Variants in NUDT3 observed in about 807,000 individuals in gnomAD.
NUDT3 encodes nudix hydrolase 3, also known as diphosphoinositol polyphosphate phosphohydrolase 1.
A neutral mutation model predicts 23.6 loss-of-function variants in NUDT3; 9 were observed. The observed-to-expected ratio is 0.38, with a 90% CI of 0.23 to 0.66. NUDT3 has a LOEUF of 0.66. Ranked by LOEUF, NUDT3 falls within the 30% of genes least tolerant of loss-of-function variation. The pLI is 0.52. For synonymous variants in NUDT3, 86 were observed against 82.6 expected (o/e 1.04, Z -0.22); for missense variants, 172 against 218.5 (o/e 0.79, Z 1.34).
chr6:34,339,932 A>AGACGGT (rs1764263817), intron 2 of NUDT3, among the ~76,000 whole-genome samples: 1 of 152,226 alleles, frequency 6.6e-6, no homozygotes. Flanking sequence ...GTCAAATCCT[A>AGACGGT]GACGGTGACG....
At chr6:34,311,176 A>T (rs1266341574) in intron 2 of NUDT3, among the ~76,000 whole-genome samples, 3 of 152,222 alleles carry the variant, frequency 2.0e-5, no homozygotes, top group Non-Finnish European at 4.4e-5. Context: ...TTAATTTTTT[A>T]AAAATCCAAA....
At chr6:34,340,461 C>T (rs1477438956) in intron 2 of NUDT3, among the ~76,000 whole-genome samples, 2 of 152,160 alleles carry the variant, frequency 1.3e-5, no homozygotes, top group Non-Finnish European at 2.9e-5. Flanking sequence ...GACAAAAGTC[C>T]AGGGTGTTTA....
chr6:34,354,749 A>ATATATATATATATATATT (rs570166534), intron 1 of NUDT3, among the ~76,000 whole-genome samples: 3 of 144,540 alleles, frequency 2.1e-5, no homozygotes, highest in African/African-American at 7.6e-5. Context: ...ATATATATAT[A>ATATATATATATATATATT]TATTTATTTA....
intron 2 of NUDT3, among the ~76,000 whole-genome samples, chr6:34,297,066 G>T (rs1763511564): frequency 6.6e-6 from 1 of 151,558 alleles, no homozygotes; most frequent in South Asian, 2.1e-4. Context: ...CAAGTAGCTG[G>T]GACTACAGGT....
At chr6:34,383,288 G>C (rs887806119) in intron 1 of NUDT3, among the ~76,000 whole-genome samples, 38 of 152,092 alleles carry the variant, frequency 2.5e-4, no homozygotes, top group African/African-American at 8.7e-4. Context: ...CCGAAGAAAA[G>C]ATTTTCTAAG....
intron 1 of NUDT3, among the ~76,000 whole-genome samples, chr6:34,378,837 G>T (rs546195709): frequency 2.0e-5 from 3 of 152,182 alleles, no homozygotes; most frequent in African/African-American, 7.2e-5. Flanking sequence ...CTAATTTTAT[G>T]CCAGAAAAAT....
intron 4 of NUDT3, among the ~76,000 whole-genome samples, chr6:34,291,669 A>AT (rs1269864636): frequency 2.0e-5 from 3 of 151,698 alleles, no homozygotes; most frequent in African/African-American, 7.3e-5. Flanking sequence ...TGCCTGGCTA[A>AT]TTTTTGTATT....
chr6:34,384,758 G>C lies in NUDT3; in HGVS notation c.99+7506C>G, dbSNP rs943222209. 7.2e-5 allele frequency among the ~76,000 whole-genome samples: 11 copies of C among 152,254 alleles called. No individual in the cohort carries two copies. In the East Asian group the frequency reaches 2.1e-3, roughly 29 times the overall value. On this transcript the variant is annotated intron_variant, in intron 1 of 4. Coordinates refer to ENST00000607016, the MANE Select transcript of NUDT3 (RefSeq NM_006703.4). The stretch of plus-strand genomic sequence containing the variant: ...TAAAAAATATAAATGTAGGTTGGGC[G>C]TGGTGTCTCATGCATGTAATCCTAG...
intron 2 of NUDT3, among the ~76,000 whole-genome samples, chr6:34,312,128 T>G (rs1763782692): frequency 6.6e-6 from 1 of 152,018 alleles, no homozygotes; most frequent in Admixed American, 6.6e-5. Context: ...TGGCAGGGTG[T>G]GGGTGGCTCA....
At chr6:34,347,832 T>C (rs902654873) in intron 1 of NUDT3, among the ~76,000 whole-genome samples, 1 of 151,778 alleles carries the variant, frequency 6.6e-6, no homozygotes, top group Non-Finnish European at 1.5e-5. Flanking sequence ...ACAGTGATAA[T>C]GAAAAGAGAT....
intron 1 of NUDT3, among the ~76,000 whole-genome samples, chr6:34,384,201 A>T (rs1164907264): frequency 1.3e-5 from 2 of 152,204 alleles, no homozygotes; most frequent in Non-Finnish European, 1.5e-5. Context: ...TCCAATGTCA[A>T]TCATCTCTCC....
At chr6:34,345,302 G>A (rs1009317208) in intron 1 of NUDT3, among the ~76,000 whole-genome samples, 2 of 151,630 alleles carry the variant, frequency 1.3e-5, no homozygotes, top group Non-Finnish European at 2.9e-5. Context: ...CACCTGCCTC[G>A]GCCTCTCAAA....
intron 1 of NUDT3, among the ~76,000 whole-genome samples, chr6:34,373,210 C>T (rs187887718): frequency 4.7e-5 from 7 of 148,010 alleles, no homozygotes; most frequent in South Asian, 2.1e-4. Flanking sequence ...ACCCAGGAGA[C>T]GGAGTTTGCA....
chr6:34,290,725 G>T (rs1476115174), intron 4 of NUDT3, among the ~76,000 whole-genome samples: 1 of 147,172 alleles, frequency 6.8e-6, no homozygotes, highest in African/African-American at 2.5e-5. Context: ...TTATGTCATA[G>T]TATCTAGTAT....
At position 34,295,607 on chromosome 6, in the gene NUDT3, A is replaced by G. The variant is rs369966662; in HGVS notation, c.255+34T>C. On this transcript the variant is annotated intron_variant, in intron 3 of 4. Transcript: ENST00000607016. ...TTAATATCTGTGTGGTTATTAATACATATCATTTGTACCAAAGATTTTAAC... is the reference window on the plus strand; with the variant it reads ...TTAATATCTGTGTGGTTATTAATACGTATCATTTGTACCAAAGATTTTAAC... The G allele has an allele frequency of 2.5e-6, 4 of 1,610,832 alleles. No individual in the cohort carries two copies. The South Asian group carries it at 3.3e-5, about 13-fold the overall frequency.
intron 2 of NUDT3, among the ~76,000 whole-genome samples, chr6:34,330,416 T>C (rs1242774241): frequency 1.3e-5 from 2 of 152,236 alleles, no homozygotes; most frequent in Admixed American, 1.3e-4. Context: ...ATGAGCATTT[T>C]TTCATGTGTC....
chr6:34,367,384 A>G (rs969845111), intron 1 of NUDT3, among the ~76,000 whole-genome samples: 2 of 151,978 alleles, frequency 1.3e-5, no homozygotes, highest in African/African-American at 4.8e-5. Context: ...TGGGAGGCTG[A>G]AGCAAGACAA....
At position 34,392,597 on chromosome 6, in the gene NUDT3, C is replaced by T. The variant is rs1177719810; in HGVS notation, c.-235G>A. The T allele has an allele frequency of 1.3e-5, 4 of 306,290 alleles. No homozygotes were observed. The highest frequency in any genetic ancestry group is 5.4e-5 in the East Asian group (1 of 18,676). 19.0% of individuals were successfully genotyped at this position (306,290 alleles called of 1,614,324 possible). On this transcript the variant is annotated 5_prime_UTR_variant, in exon 1 of 5. Transcript: ENST00000607016. ...CTGCCGTCTCCGCTGCCGCCAGGGCCGCCGCCCCCTCTGCCGCCGCCACCC... is the reference window on the plus strand; with the variant it reads ...CTGCCGTCTCCGCTGCCGCCAGGGCTGCCGCCCCCTCTGCCGCCGCCACCC...
chr6:34,351,269 G>A (rs755606157), intron 1 of NUDT3, among the ~76,000 whole-genome samples: 7 of 138,764 alleles, frequency 5.0e-5, no homozygotes, highest in East Asian at 2.1e-4. Flanking sequence ...GAGGCCAGGC[G>A]TTCAAGACCA....
Sources: allele counts gnomAD v4.1 joint callset (sites outside exome capture counted in the v4.1 genomes callset), GRCh38; gene constraint gnomAD v4.1.1; transcripts MANE v1.5; gene names NCBI Gene and HGNC (gene_info 2026-07-23, HGNC 2026-07-21).